LINGO2: variants seen among roughly 807,000 people sequenced by gnomAD.
The protein encoded by LINGO2 is leucine rich repeat and Ig domain containing 2.
Under a neutral mutation model 30.6 loss-of-function variants are expected in LINGO2, and 14 were observed. That is an observed-to-expected ratio of 0.46 (90% confidence interval 0.30 to 0.72). The LOEUF (loss-of-function observed/expected upper bound fraction) is 0.72, where lower values mean the gene tolerates loss of function less well. LINGO2 is among the 30% of genes least tolerant of loss of function. The probability of loss-of-function intolerance (pLI) is 0.07; values close to 1 mark genes in which losing one functional copy is unlikely to be tolerated. For missense variants in LINGO2, 729 were observed against 751.7 expected (o/e 0.97, Z 0.35); for synonymous variants, 317 against 288.5 (o/e 1.10, Z -1.00).
chr9:29,187,732 T>G, the LINGO2 span, among the ~76,000 whole-genome samples: 2 of 151,658 alleles, frequency 1.3e-5, no homozygotes, highest in African/African-American at 4.8e-5. Context: ...GTAAATTCAA[T>G]GGTCTAGGTA....
At chr9:28,832,223 T>C in the LINGO2 span, among the ~76,000 whole-genome samples, 1 of 152,150 alleles carries the variant, frequency 6.6e-6, no homozygotes, top group Non-Finnish European at 1.5e-5. Context: ...GGAAACCCAT[T>C]CTTATTACCA....
chr9:29,212,261 G>A, the LINGO2 span, among the ~76,000 whole-genome samples: 1 of 151,874 alleles, frequency 6.6e-6, no homozygotes, highest in Non-Finnish European at 1.5e-5. Flanking sequence ...CTGCCGCGCG[G>A]GCTCCGCCAC....
intron 4 of LINGO2, among the ~76,000 whole-genome samples, chr9:28,065,147 T>A (rs1168264390): frequency 1.3e-5 from 2 of 151,068 alleles, no homozygotes; most frequent in African/African-American, 4.9e-5. Flanking sequence ...TGCTTTGGAG[T>A]GGGATTGGGA....
intron 5 of LINGO2, among the ~76,000 whole-genome samples, chr9:27,981,913 A>T (rs190641619): frequency 1.3e-5 from 2 of 151,976 alleles, no homozygotes; most frequent in Admixed American, 6.6e-5. Flanking sequence ...AACATGTACC[A>T]GGTTAGTTTG....
At chr9:29,077,869 G>C in the LINGO2 span, among the ~76,000 whole-genome samples, 3 of 151,678 alleles carry the variant, frequency 2.0e-5, no homozygotes, top group Non-Finnish European at 4.4e-5. Flanking sequence ...CTGGAGAGAA[G>C]AAAAATGTAA....
chr9:28,154,811 T>A (rs897602491), intron 4 of LINGO2, among the ~76,000 whole-genome samples: 2 of 152,196 alleles, frequency 1.3e-5, no homozygotes, highest in Non-Finnish European at 2.9e-5. Context: ...CAGGTTAGAA[T>A]GAGATACAGT....
the LINGO2 span, among the ~76,000 whole-genome samples, chr9:28,710,061 T>C: frequency 1.3e-5 from 2 of 150,758 alleles, no homozygotes; most frequent in African/African-American, 4.9e-5. Context: ...TTTGAATGTT[T>C]GTGTCTCCCC....
the LINGO2 span, among the ~76,000 whole-genome samples, chr9:28,985,853 C>G: frequency 9.9e-5 from 15 of 152,170 alleles, no homozygotes; most frequent in African/African-American, 3.4e-4. Context: ...TGTGCAGAAG[C>G]TCTTTTGTTT....
chr9:29,059,416 AAAAT>A, the LINGO2 span, among the ~76,000 whole-genome samples: 29 of 150,362 alleles, frequency 1.9e-4, no homozygotes, highest in Admixed American at 1.7e-3. Flanking sequence ...TTAAAATTAA[AAAAT>A]AAATAAATAA....
chr9:29,124,587 C>A, the LINGO2 span, among the ~76,000 whole-genome samples: 1 of 151,986 alleles, frequency 6.6e-6, no homozygotes, highest in Non-Finnish European at 1.5e-5. Context: ...ACAACCCCAT[C>A]AAAAAGAGGA....
intron 4 of LINGO2, among the ~76,000 whole-genome samples, chr9:28,075,692 A>C (rs2133194648): frequency 6.6e-6 from 1 of 151,936 alleles, no homozygotes; most frequent in East Asian, 1.9e-4. Flanking sequence ...TGTTCTGCTG[A>C]GTTTTCTAGT....
the LINGO2 span, among the ~76,000 whole-genome samples, chr9:29,189,514 C>T: frequency 6.6e-6 from 1 of 151,604 alleles, no homozygotes; most frequent in African/African-American, 2.4e-5. Flanking sequence ...CAGAGGTGCT[C>T]CCCACATCTC....
intron 1 of LINGO2, among the ~76,000 whole-genome samples, chr9:28,562,667 T>C (rs545851250): frequency 1.3e-5 from 2 of 151,972 alleles, no homozygotes; most frequent in East Asian, 3.9e-4. Flanking sequence ...GGTGAGCCTC[T>C]TTCTGATGTT....
chr9:28,719,811 T>C, the LINGO2 span, among the ~76,000 whole-genome samples: 3 of 152,042 alleles, frequency 2.0e-5, no homozygotes, highest in African/African-American at 7.2e-5. Flanking sequence ...CATTTTAAAC[T>C]CAACTTGTTA....
Position 28,433,937 on chromosome 9 carries a change from C to A in LINGO2, c.-279+42003G>T, listed in dbSNP as rs1462075008. 7.9e-5 allele frequency among the ~76,000 whole-genome samples: 4 copies of A among 50,398 alleles called. No individual in the cohort carries two copies. In the Admixed American group the frequency reaches 8.7e-4, roughly 11 times the overall value. 33.1% of individuals were successfully genotyped at this position (50,398 alleles called of 152,430 possible). A position where few individuals can be genotyped will look rare whatever the true frequency, so the allele number is the denominator to read the frequency against. ...GTGCTCTCTCTTTCTCTCTCTCTCT[C>A]TCTCTCTCTCTCTATATATATATAT... On this transcript the variant is annotated intron_variant, in intron 2 of 5. Transcript: ENST00000379992.
chr9:28,380,969 T>C (rs1214997373), intron 2 of LINGO2, among the ~76,000 whole-genome samples: 1 of 152,084 alleles, frequency 6.6e-6, no homozygotes, highest in Non-Finnish European at 1.5e-5. Flanking sequence ...TGAGTATGTA[T>C]TTCTTTCTCA....
At chr9:28,953,729 T>C in the LINGO2 span, among the ~76,000 whole-genome samples, 1 of 152,134 alleles carries the variant, frequency 6.6e-6, no homozygotes, top group Non-Finnish European at 1.5e-5. Flanking sequence ...TTTACTGCTT[T>C]TAAAGTTATT....
At chr9:29,072,920 A>AGT in the LINGO2 span, among the ~76,000 whole-genome samples, 28,974 of 149,538 alleles carry the variant, frequency 0.19, 2,930 homozygotes, top group African/African-American at 0.24. Flanking sequence ...CCAGCTCTCT[A>AGT]GCGCTCTCTC....
At chr9:28,692,019 G>T in the LINGO2 span, among the ~76,000 whole-genome samples, 1 of 152,138 alleles carries the variant, frequency 6.6e-6, no homozygotes, top group African/African-American at 2.4e-5. Context: ...TCCAATGCTT[G>T]TGTTCTGAAT....
Sources: gnomAD v4.1 joint callset for allele counts (sites outside exome capture counted in the v4.1 genomes callset) on GRCh38, gnomAD v4.1.1 for gene constraint, MANE v1.5 for transcripts, NCBI Gene and HGNC (gene_info 2026-07-23, HGNC 2026-07-21) for gene names.